The following RNF38 variants were observed in gnomAD, a reference collection of about 807,000 sequenced individuals.
RNF38 encodes the protein E3 ubiquitin-protein ligase RNF38.
Under a neutral mutation model 67.2 loss-of-function variants are expected in RNF38, and 15 were observed. That is an observed-to-expected ratio of 0.22 (90% CI 0.15 to 0.34). The LOEUF (loss-of-function observed/expected upper bound fraction) is 0.34, where lower values mean the gene tolerates loss of function less well. Ranked by LOEUF, RNF38 falls within the 10% of genes least tolerant of loss-of-function variation. The pLI, the probability that RNF38 is intolerant of heterozygous loss-of-function variation, is 1.00. For missense variants in RNF38, 524 were observed against 639.9 expected (o/e 0.82, Z 1.95); for synonymous variants, 220 against 218.8 (o/e 1.01, Z -0.05).
chr9:36,341,957 G>A (rs1460288775), intron 11 of RNF38, among the ~76,000 whole-genome samples: 1 of 151,880 alleles, frequency 6.6e-6, no homozygotes, highest in African/African-American at 2.4e-5. Context: ...AGGAGAAAAT[G>A]GTCAGAATTA....
chr9:36,462,654 T>C (rs1839760035), intron 1 of RNF38, among the ~76,000 whole-genome samples: 2 of 151,158 alleles, frequency 1.3e-5, no homozygotes, highest in African/African-American at 2.4e-5. Context: ...GCACCAATGA[T>C]GCTTTCTCTG....
intron 1 of RNF38, among the ~76,000 whole-genome samples, chr9:36,440,799 C>T (rs1311005802): frequency 6.6e-6 from 1 of 152,054 alleles, no homozygotes; most frequent in South Asian, 2.1e-4. Flanking sequence ...AAACCAATAA[C>T]AAAAGGAAAA....
intron 6 of RNF38, among the ~76,000 whole-genome samples, chr9:36,355,520 G>C (rs1234415673): frequency 6.6e-6 from 1 of 152,030 alleles, no homozygotes; most frequent in Admixed American, 6.5e-5. Flanking sequence ...CAGGCCTTCA[G>C]AAAAAGTAAC....
At chr9:36,472,900 GGTGGGTGGAT>G (rs1840030105) in intron 1 of RNF38, among the ~76,000 whole-genome samples, 1 of 151,826 alleles carries the variant, frequency 6.6e-6, no homozygotes, top group Non-Finnish European at 1.5e-5. Context: ...GAGGTCAGGA[GGTGGGTGGAT>G]CACCTGAGGT....
At chr9:36,368,301 C>T (rs1835125770) in intron 4 of RNF38, among the ~76,000 whole-genome samples, 2 of 147,206 alleles carry the variant, frequency 1.4e-5, no homozygotes, top group African/African-American at 4.9e-5. Flanking sequence ...ACAGACTCAA[C>T]ACGTAACACT....
intron 2 of RNF38, among the ~76,000 whole-genome samples, chr9:36,409,237 GGAAGGAAA>G (rs1158161305): frequency 6.9e-6 from 1 of 144,134 alleles, no homozygotes; most frequent in Non-Finnish European, 1.5e-5. Flanking sequence ...AAGGAAGGAT[GGAAGGAAA>G]GAAGGAAGGA....
chr9:36,429,988 G>C (rs1838890341), intron 1 of RNF38, among the ~76,000 whole-genome samples: 1 of 151,956 alleles, frequency 6.6e-6, no homozygotes, highest in Non-Finnish European at 1.5e-5. Flanking sequence ...CTATTTCTTG[G>C]TTATTAATTT....
chr9:36,449,617 AAT>A (rs1271051133), intron 1 of RNF38, among the ~76,000 whole-genome samples: 5 of 152,058 alleles, frequency 3.3e-5, no homozygotes, highest in Admixed American at 3.3e-4. Context: ...TTGTATTTTT[AAT>A]AGAGACGGGG....
upstream of RNF38, chr9:36,487,668 A>AGGGGGAGGAGGCGGAGCCGGGAAGC: frequency 1.7e-6 from 1 of 587,340 alleles, no homozygotes. Flanking sequence ...CGGCTCCCGA[A>AGGGGGAGGAGGCGGAGCCGGGAAGC]GGGGGAGGAG....
At chr9:36,340,377 G>C (rs897198301) in intron 11 of RNF38, among the ~76,000 whole-genome samples, 6 of 152,190 alleles carry the variant, frequency 3.9e-5, no homozygotes, top group Non-Finnish European at 8.8e-5. Context: ...GTAAAAGCTT[G>C]GTTAGTCTTT....
intron 3 of RNF38, among the ~76,000 whole-genome samples, chr9:36,372,999 A>G (rs958559977): frequency 6.6e-6 from 1 of 152,188 alleles, no homozygotes; most frequent in Non-Finnish European, 1.5e-5. Flanking sequence ...TGAGGTCAGG[A>G]GTTTGAGACC....
At chr9:36,454,710 G>C (rs1839543995) in intron 1 of RNF38, among the ~76,000 whole-genome samples, 1 of 150,064 alleles carries the variant, frequency 6.7e-6, no homozygotes, top group Admixed American at 6.7e-5. Flanking sequence ...AGCCTGCTTA[G>C]TAGCTGGGAT....
At chr9:36,419,715 G>A (rs546576759) in intron 2 of RNF38, among the ~76,000 whole-genome samples, 1 of 152,144 alleles carries the variant, frequency 6.6e-6, no homozygotes, top group South Asian at 2.1e-4. Flanking sequence ...CCAGCTACTT[G>A]GGAAGGCTGA....
chr9:36,353,572 CTA>C (rs1833858856), intron 6 of RNF38, among the ~76,000 whole-genome samples: 2 of 152,158 alleles, frequency 1.3e-5, no homozygotes, highest in South Asian at 4.1e-4. Flanking sequence ...CCATTACCCT[CTA>C]TTTATTTTAC....
intron 9 of RNF38, among the ~76,000 whole-genome samples, chr9:36,348,971 G>A (rs1251036544): frequency 6.6e-6 from 1 of 152,182 alleles, no homozygotes; most frequent in African/African-American, 2.4e-5. Flanking sequence ...GACTCTTTTT[G>A]GGGGGATAAC....
chr9:36,450,314 T>A (rs1159168398), intron 1 of RNF38, among the ~76,000 whole-genome samples: 1 of 152,114 alleles, frequency 6.6e-6, no homozygotes, highest in East Asian at 1.9e-4. Context: ...TTTTAAACTG[T>A]AATATGCTGC....
chr9:36,465,117 T>TTTTTGAGACA (rs1195269895), intron 1 of RNF38, among the ~76,000 whole-genome samples: 1 of 152,156 alleles, frequency 6.6e-6, no homozygotes, highest in Non-Finnish European at 1.5e-5. Flanking sequence ...GAACAAGTGT[T>TTTTTGAGACA]GGCAACAATG....
chr9:36,433,152 G>A (rs981585355), intron 1 of RNF38, among the ~76,000 whole-genome samples: 3 of 151,490 alleles, frequency 2.0e-5, no homozygotes, highest in Non-Finnish European at 2.9e-5. Context: ...GGGGCTGGGT[G>A]GGGGAAGTAA....
rs1221807674 is a variant in RNF38 at position 36,411,006 on chromosome 9, C to A, written n.312+13607G>T. On this transcript the variant is annotated intron_variant and non_coding_transcript_variant, in intron 2 of 3. Transcript: ENST00000488058. ...ACTGTATGTACTTAATGCTACTGAA[C>A]TGTACATTTAAATGGTTAAGATGGT... is the stretch of plus-strand genomic sequence containing the variant. Among the ~76,000 whole-genome samples, 7 of 152,112 alleles carry A rather than the reference C, an allele frequency of 4.6e-5. No homozygotes were observed. In the East Asian group the frequency reaches 1.3e-3, roughly 29 times the overall value.
Sources: allele counts gnomAD v4.1 joint callset (sites outside exome capture counted in the v4.1 genomes callset), GRCh38; gene constraint gnomAD v4.1.1; transcripts MANE v1.5; gene names NCBI Gene and HGNC (gene_info 2026-07-23, HGNC 2026-07-21).